KANSL1: variants seen among roughly 807,000 people sequenced by gnomAD.
KANSL1 encodes the protein KAT8 regulatory NSL complex subunit 1.
Under a neutral mutation model 103.6 loss-of-function variants are expected in KANSL1, and 22 were observed. That is an observed-to-expected ratio of 0.21 (90% CI 0.15 to 0.30). The LOEUF is 0.30. KANSL1 is among the 10% of genes least tolerant of loss of function. KANSL1 has a pLI of 1.00. For synonymous variants in KANSL1, 600 were observed against 527.6 expected (o/e 1.14, Z -1.88); for missense variants, 1,337 against 1,399.8 (o/e 0.96, Z 0.72).
Position 46,067,501 on chromosome 17 carries a change from A to G in KANSL1, c.1652+48T>C, listed in dbSNP as rs200482801. 2.2e-3 allele frequency: 2,516 copies of G among 1,156,888 alleles called. 55 individuals are homozygous for G. In the South Asian group the frequency reaches 0.03, roughly 14 times the overall value. 71.7% of individuals were successfully genotyped at this position (1,156,888 alleles called of 1,614,324 possible). ...TAAAGAGAACTAAGAGCTCCAAAAC[A>G]CCTTTACAAGTCTACTAAGTGTAGG... On this transcript the variant is annotated intron_variant, in intron 5 of 14. Coordinates refer to ENST00000432791, the MANE Select transcript of KANSL1 (RefSeq NM_015443.4).
At chr17:46,042,786 G>A (rs2077369414) in intron 7 of KANSL1, 1 of 140,926 alleles carries the variant, frequency 7.1e-6, no homozygotes. Context: ...TCTGAGTTGG[G>A]GAAAAAAAAA....
chr17:46,212,227 CT>C (rs68040324), intron 1 of KANSL1, among the ~76,000 whole-genome samples: 4,600 of 145,210 alleles, frequency 0.032, 171 homozygotes, highest in African/African-American at 0.092. Flanking sequence ...ATTAAAAATT[CT>C]TTTTTTTTTT....
intron 2 of KANSL1, among the ~76,000 whole-genome samples, chr17:46,103,177 A>G (rs1375486984): frequency 2.6e-5 from 4 of 152,254 alleles, no homozygotes; most frequent in African/African-American, 9.6e-5. Context: ...TTAATCTTAT[A>G]AAACAATATA....
chr17:46,060,094 T>C (rs144995935), intron 6 of KANSL1, among the ~76,000 whole-genome samples: 1 of 152,344 alleles, frequency 6.6e-6, no homozygotes, highest in Admixed American at 6.5e-5. Flanking sequence ...CAATTCTCTT[T>C]GAAGGAATTC....
At chr17:46,111,578 C>T (rs1373523275) in intron 2 of KANSL1, among the ~76,000 whole-genome samples, 1 of 152,158 alleles carries the variant, frequency 6.6e-6, no homozygotes, top group Non-Finnish European at 1.5e-5. Context: ...CAAGTATAAT[C>T]AATAGATACG....
chr17:46,088,117 C>T (rs558268682), intron 3 of KANSL1, among the ~76,000 whole-genome samples: 11 of 152,222 alleles, frequency 7.2e-5, no homozygotes, highest in Non-Finnish European at 8.8e-5. Flanking sequence ...TAGAAAACTC[C>T]AAGAGTGAAG....
intron 2 of KANSL1, among the ~76,000 whole-genome samples, chr17:46,135,892 A>C (rs2044116330): frequency 1.3e-5 from 2 of 152,016 alleles, no homozygotes; most frequent in Admixed American, 6.6e-5. Context: ...TGTAGAGCAA[A>C]CTAGGCTCTA....
intron 1 of KANSL1, among the ~76,000 whole-genome samples, chr17:46,173,718 T>C (rs1197510198): frequency 3.3e-5 from 5 of 152,268 alleles, no homozygotes; most frequent in African/African-American, 4.8e-5. Context: ...CACCAAACTA[T>C]ACTAATAGTC....
chr17:46,178,796 G>GC (rs1367659109), intron 1 of KANSL1, among the ~76,000 whole-genome samples: 23 of 152,114 alleles, frequency 1.5e-4, no homozygotes, highest in African/African-American at 5.6e-4. Flanking sequence ...TTTTTAACAA[G>GC]CACCTTTTTC....
At chr17:46,198,422 T>TTAAAAAAAA (rs1567797004), upstream of KANSL1, among the ~76,000 whole-genome samples, 3 of 96,118 alleles carry the variant, frequency 3.1e-5, 1 homozygote, top group Non-Finnish European at 1.9e-5. Context: ...CTACTTTAAT[T>TTAAAAAAAA]AAAAAAAAAA....
At chr17:46,055,475 A>C (rs1207740114) in intron 6 of KANSL1, among the ~76,000 whole-genome samples, 1 of 152,030 alleles carries the variant, frequency 6.6e-6, no homozygotes, top group South Asian at 2.1e-4. Context: ...CAAAAAAAAA[A>C]AAAAGTGAAA....
At chr17:46,207,881 C>A (rs554790315) in intron 1 of KANSL1, among the ~76,000 whole-genome samples, 1 of 152,206 alleles carries the variant, frequency 6.6e-6, no homozygotes, top group African/African-American at 2.4e-5. Context: ...GAGGCTGAGG[C>A]GGGTGGATCA....
Position 46,100,272 on chromosome 17 carries a change from C to T in KANSL1, c.1290-5571G>A, listed in dbSNP as rs150183954. 9.5e-4 allele frequency among the ~76,000 whole-genome samples: 144 copies of T among 152,114 alleles called. 1 individual carries two copies. The highest frequency in any genetic ancestry group is 4.6e-3 in the East Asian group (24 of 5,170). ...AATCTATGGTGAAACCCCATCTCTA[C>T]TAAAAATAAAAAAAATTATCCAGAC... is the stretch of plus-strand genomic sequence containing the variant. On this transcript the variant is annotated intron_variant, in intron 2 of 14. Transcript: ENST00000432791.
At chr17:46,180,267 G>C (rs1005318542) in intron 1 of KANSL1, among the ~76,000 whole-genome samples, 4 of 151,850 alleles carry the variant, frequency 2.6e-5, no homozygotes, top group African/African-American at 7.3e-5. Flanking sequence ...AGGCTGAGGC[G>C]GGTGGATCAC....
intron 3 of KANSL1, among the ~76,000 whole-genome samples, chr17:46,090,706 T>C (rs1235505899): frequency 1.1e-4 from 16 of 152,370 alleles, no homozygotes; most frequent in South Asian, 2.1e-4. Context: ...ATGTGCCAAA[T>C]AGCATTATGG....
At chr17:46,181,113 A>G (rs1271108757) in intron 1 of KANSL1, among the ~76,000 whole-genome samples, 1 of 152,250 alleles carries the variant, frequency 6.6e-6, no homozygotes, top group Non-Finnish European at 1.5e-5. Flanking sequence ...CAAAGCTTAA[A>G]TCCAGAAATG....
chr17:46,185,615 T>C (rs1413506445), intron 1 of KANSL1, among the ~76,000 whole-genome samples: 6 of 150,346 alleles, frequency 4.0e-5, no homozygotes, highest in Non-Finnish European at 7.4e-5. Flanking sequence ...AAAACCCTAA[T>C]TAAAAAGATC....
chr17:46,156,014 T>C (rs146404392), intron 2 of KANSL1, among the ~76,000 whole-genome samples: 1 of 152,280 alleles, frequency 6.6e-6, no homozygotes, highest in African/African-American at 2.4e-5. Flanking sequence ...AAATACCTTG[T>C]AAATATCAGA....
At chr17:46,132,676 A>G (rs1032681592) in intron 2 of KANSL1, among the ~76,000 whole-genome samples, 2 of 152,236 alleles carry the variant, frequency 1.3e-5, no homozygotes, top group Non-Finnish European at 2.9e-5. Context: ...GGCCAGGTTC[A>G]GTGGCTCTTG....
Sources: allele counts gnomAD v4.1 joint callset (sites outside exome capture counted in the v4.1 genomes callset), GRCh38; gene constraint gnomAD v4.1.1; transcripts MANE v1.5; gene names NCBI Gene and HGNC (gene_info 2026-07-23, HGNC 2026-07-21).